The following TBC1D5 variants were observed in gnomAD, a reference collection of about 807,000 sequenced individuals.
TBC1D5 encodes the protein TBC1 domain family member 5.
TBC1D5 carries 75 observed loss-of-function variants against 100.3 expected under a neutral mutation model. The observed-to-expected ratio is 0.75, with a 90% CI of 0.62 to 0.91. The LOEUF is 0.91. Among genes scored for constraint, TBC1D5 ranks in the 40% least tolerant of loss-of-function variants. The probability of loss-of-function intolerance (pLI) is 0.00; values close to 1 mark genes in which losing one functional copy is unlikely to be tolerated. For synonymous variants in TBC1D5, 323 were observed against 325.6 expected (o/e 0.99, Z 0.09); for missense variants, 910 against 942.4 (o/e 0.97, Z 0.45).
At chr3:17,610,454 T>C (rs964686315) in intron 2 of TBC1D5, among the ~76,000 whole-genome samples, 1 of 152,184 alleles carries the variant, frequency 6.6e-6, no homozygotes, top group African/African-American at 2.4e-5. Context: ...CTCAAAGTGC[T>C]GGGATTACGG....
intron 1 of TBC1D5, among the ~76,000 whole-genome samples, chr3:17,697,212 TC>T (rs1489101858): frequency 2.6e-5 from 4 of 152,186 alleles, no homozygotes; most frequent in Non-Finnish European, 5.9e-5. Context: ...GGATGCCCTC[TC>T]TCACCACTCG....
chr3:17,388,839 G>C (rs1307728022), intron 8 of TBC1D5, among the ~76,000 whole-genome samples: 1 of 151,954 alleles, frequency 6.6e-6, no homozygotes, highest in Non-Finnish European at 1.5e-5. Context: ...CTTTGGCCTA[G>C]GCAAGAGAGA....
intron 2 of TBC1D5, among the ~76,000 whole-genome samples, chr3:17,550,827 A>T (rs916055234): frequency 6.6e-6 from 1 of 152,200 alleles, no homozygotes; most frequent in African/African-American, 2.4e-5. Context: ...TAAAGTGAAG[A>T]TATCAATAAA....
intron 19 of TBC1D5, among the ~76,000 whole-genome samples, chr3:17,170,250 G>A (rs1206119519): frequency 6.6e-6 from 1 of 152,222 alleles, no homozygotes; most frequent in African/African-American, 2.4e-5. Context: ...CTGCTGAGCT[G>A]AGAGGTGGGC....
At chr3:17,621,513 C>A (rs924014634) in intron 2 of TBC1D5, among the ~76,000 whole-genome samples, 3 of 152,220 alleles carry the variant, frequency 2.0e-5, no homozygotes, top group Admixed American at 2.0e-4. Flanking sequence ...GACTGTCATG[C>A]ACTTCAACTA....
intron 9 of TBC1D5, among the ~76,000 whole-genome samples, chr3:17,379,972 T>C (rs2092869617): frequency 6.6e-6 from 1 of 151,636 alleles, no homozygotes; most frequent in South Asian, 2.1e-4. Flanking sequence ...AAAGTGAAAC[T>C]GCAGGTAAGG....
At chr3:17,261,467 T>TTTTTTTGG (rs2078272246) in intron 15 of TBC1D5, among the ~76,000 whole-genome samples, 1 of 5,466 alleles carries the variant, frequency 1.8e-4, no homozygotes. Context: ...GCTCCTTTTT[T>TTTTTTTGG]GGGGGGTGGG....
intron 3 of TBC1D5, among the ~76,000 whole-genome samples, chr3:17,477,472 T>C (rs2150247200): frequency 6.6e-6 from 1 of 152,094 alleles, no homozygotes; most frequent in Non-Finnish European, 1.5e-5. Flanking sequence ...TGTCCCCAAA[T>C]TGGGATTGGT....
chr3:17,723,680 T>C (rs1480356424), intron 1 of TBC1D5, among the ~76,000 whole-genome samples: 1 of 152,100 alleles, frequency 6.6e-6, no homozygotes, highest in African/African-American at 2.4e-5. Context: ...TTTGAAAAAA[T>C]TCAGATGAAC....
chr3:17,442,461 C>G (rs991465967), intron 3 of TBC1D5, among the ~76,000 whole-genome samples: 1 of 152,210 alleles, frequency 6.6e-6, no homozygotes, highest in East Asian at 1.9e-4. Context: ...AAAAGTGCAT[C>G]CATTCATGTG....
intron 14 of TBC1D5, among the ~76,000 whole-genome samples, chr3:17,307,520 C>T (rs144414640): frequency 1.1e-3 from 168 of 152,140 alleles, no homozygotes; most frequent in African/African-American, 3.9e-3. Context: ...ATGTATTTTT[C>T]TAAAATATAA....
chr3:17,401,286 T>C lies in TBC1D5; in HGVS notation c.509+1895A>G, dbSNP rs1361616101. Among the ~76,000 whole-genome samples, 7 of 142,906 alleles carry C rather than the reference T, an allele frequency of 4.9e-5. 1 individual carries two copies. Among genetic ancestry groups the C allele is most frequent in the African/African-American group, 1.3e-4 (5 of 37,238 alleles). 93.8% of individuals were successfully genotyped at this position (142,906 alleles called of 152,430 possible). A position where few individuals can be genotyped will look rare whatever the true frequency, so the allele number is the denominator to read the frequency against. ...TATATGTATGTGTATAATACACATA[T>C]ATATGTATGTGTATAATACACATAT... On this transcript the variant is annotated intron_variant, in intron 8 of 21. Coordinates refer to ENST00000253692, the Ensembl canonical transcript of TBC1D5.
chr3:17,522,477 C>T (rs1307269770), intron 2 of TBC1D5, among the ~76,000 whole-genome samples: 1 of 152,056 alleles, frequency 6.6e-6, no homozygotes, highest in Non-Finnish European at 1.5e-5. Flanking sequence ...ACATAGTGCT[C>T]ACATAATATC....
intron 4 of TBC1D5, among the ~76,000 whole-genome samples, chr3:17,428,053 C>T (rs750904360): frequency 6.6e-6 from 1 of 151,692 alleles, no homozygotes; most frequent in African/African-American, 2.4e-5. Flanking sequence ...CTCTCTTAGG[C>T]GCTCATGAGC....
At chr3:17,485,268 G>T (rs1293072642) in intron 3 of TBC1D5, among the ~76,000 whole-genome samples, 2 of 151,106 alleles carry the variant, frequency 1.3e-5, no homozygotes, top group Non-Finnish European at 2.9e-5. Flanking sequence ...TACTTTTAAA[G>T]ATAGAATTTT....
chr3:17,284,854 C>T (rs1457596612), intron 15 of TBC1D5, among the ~76,000 whole-genome samples: 1 of 152,006 alleles, frequency 6.6e-6, no homozygotes, highest in South Asian at 2.1e-4. Context: ...TGTGAAAATA[C>T]ACCTAATTAG....
At position 17,681,134 on chromosome 3, in the gene TBC1D5, GA is replaced by G. The variant is rs2069403836; in HGVS notation, c.-100-57222del. Among the ~76,000 whole-genome samples, 2 of 151,560 alleles carry G rather than the reference GA, an allele frequency of 1.3e-5. 1 individual carries two copies. The highest frequency in any genetic ancestry group is 4.9e-5 in the African/African-American group (2 of 40,876). On this transcript the variant is annotated intron_variant, in intron 1 of 21. Coordinates refer to ENST00000253692, the Ensembl canonical transcript of TBC1D5. ...CACATAAGACATAGTATTACTCTTAGAACTATAGTAAAGTATTTCAGGAAGG... is the reference window on the plus strand; with the variant it reads ...CACATAAGACATAGTATTACTCTTAGACTATAGTAAAGTATTTCAGGAAGG...
Position 17,318,913 on chromosome 3 carries a change from A to T in TBC1D5, c.996-10779T>A, listed in dbSNP as rs563826567. The stretch of plus-strand genomic sequence containing the variant: ...GCTAGTTCATGAGTACCCCAGTTAA[A>T]ATACAATGGTAATTACAGCTATAGG... On this transcript the variant is annotated intron_variant, in intron 13 of 21. Transcript: ENST00000253692. Among the ~76,000 whole-genome samples the T allele has an allele frequency of 3.3e-5, 5 of 152,318 alleles. No homozygotes were observed. The East Asian group carries it at 9.6e-4, about 29-fold the overall frequency.
chr3:17,403,094 G>T (rs2093686102), intron 8 of TBC1D5, 87 bp downstream of exon 8: 1 of 1,135,662 alleles, frequency 8.8e-7, no homozygotes, highest in Non-Finnish European at 1.2e-6. Context: ...CAATTAAGTT[G>T]ACTGCAGATT....
Sources: allele counts gnomAD v4.1 joint callset (sites outside exome capture counted in the v4.1 genomes callset), GRCh38; gene constraint gnomAD v4.1.1; transcripts MANE v1.5; gene names NCBI Gene and HGNC (gene_info 2026-07-23, HGNC 2026-07-21).